RBM6: variants seen among roughly 807,000 people sequenced by gnomAD.
RBM6 encodes the protein RNA binding motif protein 6.
RBM6 carries 23 observed loss-of-function variants against 140.4 expected under a neutral mutation model. The observed-to-expected ratio is 0.16, with a 90% CI of 0.12 to 0.23. The LOEUF (loss-of-function observed/expected upper bound fraction) is 0.23, where lower values mean the gene tolerates loss of function less well. Ranked by LOEUF, RBM6 falls within the 10% of genes least tolerant of loss-of-function variation. The probability of loss-of-function intolerance (pLI) is 1.00; values close to 1 mark genes in which losing one functional copy is unlikely to be tolerated. For missense variants in RBM6, 1,139 were observed against 1,386.7 expected, an observed-to-expected ratio of 0.82 and a Z score of 2.84; for synonymous variants, 439 against 475.6, an observed-to-expected ratio of 0.92 and a Z score of 1.00.
chr3:49,994,110 C>A (rs1269575220), intron 5 of RBM6, among the ~76,000 whole-genome samples: 1 of 152,172 alleles, frequency 6.6e-6, no homozygotes, highest in African/African-American at 2.4e-5. Context: ...GTTGTTCAGG[C>A]TGGAGTGCAG....
intron 5 of RBM6, among the ~76,000 whole-genome samples, chr3:49,984,972 G>GT (rs2085494871): frequency 6.6e-6 from 1 of 152,192 alleles, no homozygotes; most frequent in Admixed American, 6.5e-5. Context: ...TTTGAACTCT[G>GT]TTTACAGCCC....
At chr3:49,959,384 A>T in intron 1 of RBM6, among the ~76,000 whole-genome samples, 1 of 127,486 alleles carries the variant, frequency 7.8e-6, no homozygotes. Context: ...TATTTTTAGT[A>T]GAGACGGGGT....
intron 8 of RBM6, among the ~76,000 whole-genome samples, chr3:50,054,668 G>A (rs1002512473): frequency 1.4e-4 from 22 of 152,054 alleles, no homozygotes; most frequent in Admixed American, 1.0e-3. Context: ...ACCACGCCCT[G>A]TAGCCCGGCT....
At position 50,047,648 on chromosome 3, in the gene RBM6, C is replaced by T. The variant is rs190416649; in HGVS notation, c.1558-597C>T. 2.3e-3 allele frequency among the ~76,000 whole-genome samples: 357 copies of T among 152,274 alleles called. 2 individuals carry two copies. The highest frequency in any genetic ancestry group is 0.012 in the Admixed American group (182 of 15,292). ...CCGCCGCCGCTGTTGCTCCCACCAG[C>T]CAATCAGTTTCCTGCTGTAAGGATG... On this transcript the variant is annotated intron_variant, in intron 6 of 20. Transcript: ENST00000266022.
rs71080561 is a variant in RBM6, at chr3:49,947,262, AGGGGG to A, written c.-67+7048_-67+7052del. On this transcript the variant is annotated intron_variant, in intron 1 of 20. Coordinates refer to ENST00000266022, the MANE Select transcript of RBM6 (RefSeq NM_005777.3). ...GCGAGACTCCGTCTCAAAAAAAAAAAGGGGGGGGGGGGGGGTTTTGAGCTGGGTGT... is the reference window on the plus strand; with the variant it reads ...GCGAGACTCCGTCTCAAAAAAAAAAAGGGGGGGGGGTTTTGAGCTGGGTGT... Among the ~76,000 whole-genome samples the A allele has an allele frequency of 6.9e-3, 412 of 60,036 alleles. 11 individuals carry two copies. Among genetic ancestry groups the A allele is most frequent in the African/African-American group, 0.021 (373 of 18,124 alleles). The allele number at this position is 60,036 out of a possible 152,430, so 39.4% of individuals were successfully genotyped here.
At chr3:49,944,864 A>C (rs1203112509) in intron 1 of RBM6, among the ~76,000 whole-genome samples, 2 of 150,304 alleles carry the variant, frequency 1.3e-5, no homozygotes, top group East Asian at 4.0e-4. Context: ...TGGTAATTCT[A>C]TGTGTAATTT....
chr3:50,015,433 T>TATTATTA (rs542341799), intron 6 of RBM6, among the ~76,000 whole-genome samples: 31 of 143,192 alleles, frequency 2.2e-4, no homozygotes, highest in African/African-American at 3.4e-4. Context: ...TTATTATTAT[T>TATTATTA]TTTTTTTTTT....
chr3:50,069,933 G>A (rs2090246171), intron 18 of RBM6, among the ~76,000 whole-genome samples: 1 of 152,156 alleles, frequency 6.6e-6, no homozygotes, highest in African/African-American at 2.4e-5. Context: ...AAGGGGAAAA[G>A]ACAGCGGAAC....
intron 5 of RBM6, among the ~76,000 whole-genome samples, chr3:49,984,606 A>ATCGCATCGCATCGCATCGCATCGCATCG (rs1559552659): frequency 2.9e-4 from 29 of 99,202 alleles, no homozygotes; most frequent in African/African-American, 1.4e-3. Flanking sequence ...ACATCACATC[A>ATCGCATCGCATCGCATCGCATCGCATCG]CATCACATCG....
chr3:50,056,787 A>G (rs922236442), intron 8 of RBM6, among the ~76,000 whole-genome samples: 11 of 152,238 alleles, frequency 7.2e-5, no homozygotes, highest in Non-Finnish European at 2.9e-5. Context: ...TTATAAAACA[A>G]ACTATAAAGA....
At chr3:50,033,833 G>T (rs2088334778) in intron 6 of RBM6, among the ~76,000 whole-genome samples, 1 of 152,076 alleles carries the variant, frequency 6.6e-6, no homozygotes, top group Non-Finnish European at 1.5e-5. Context: ...GTAGAGATGG[G>T]GTTTTACCAT....
At chr3:50,063,315 C>G (rs560900884) in intron 15 of RBM6, among the ~76,000 whole-genome samples, 37 of 152,158 alleles carry the variant, frequency 2.4e-4, no homozygotes, top group Admixed American at 2.4e-3. Flanking sequence ...AATACAAAAT[C>G]AAATTATTAG....
chr3:49,975,330 A>T lies in RBM6; in HGVS notation c.1421A>T (p.Asn474Ile). ...AATGCCATATTTTTGCAGATTCTTA[A>T]TGCTTTTCGGACTCCTGATGGCATG... is the stretch of plus-strand genomic sequence containing the variant. ...PEDATKEEIL[N>I]AFRTPDGMPV... Residue 474 changes from asparagine (N) to isoleucine (I), a missense_variant, in exon 5 of 21, where the codon AAT (asparagine) becomes ATT (isoleucine). Asn to Ile is a moderately radical substitution (Grantham distance 149, BLOSUM62 -3). Around this residue, in one of 9 missense-constraint regions of RBM6, gnomAD observed 566 missense variants for 612.7 expected, o/e 0.92. Transcript: ENST00000266022. 1 of 1,612,510 alleles carries T rather than the reference A, an allele frequency of 6.2e-7. No homozygotes were observed. The highest frequency in any genetic ancestry group is 1.1e-5 in the South Asian group (1 of 91,052).
At chr3:50,063,996 C>CAA (rs1413136462) in intron 15 of RBM6, among the ~76,000 whole-genome samples, 2 of 151,820 alleles carry the variant, frequency 1.3e-5, no homozygotes, top group Non-Finnish European at 2.9e-5. Context: ...GTGGCGTGAT[C>CAA]TATCTCGGCT....
At chr3:49,995,752 A>C (rs1452918652) in intron 5 of RBM6, among the ~76,000 whole-genome samples, 1 of 152,160 alleles carries the variant, frequency 6.6e-6, no homozygotes, top group Non-Finnish European at 1.5e-5. Context: ...AAGTCTGTCC[A>C]TGGGAAGGTT....
intron 10 of RBM6, chr3:50,058,837 A>G (rs536201395): frequency 9.3e-6 from 2 of 215,668 alleles, no homozygotes; most frequent in African/African-American, 4.5e-5. Context: ...AATGGCGTGA[A>G]CTCCGGAGGC....
In RBM6 at chr3:50,041,485, A is replaced by G. The variant is rs1575784368; in HGVS notation, c.1558-6760A>G. On this transcript the variant is annotated intron_variant, in intron 6 of 20. Coordinates refer to ENST00000266022, the MANE Select transcript of RBM6 (RefSeq NM_005777.3). Reference sequence around the variant, plus strand: ...AATAGTGGGTTTTAAAAAATATTTGAACTATAACATATCCTTGTACCATAA... The same window carrying G: ...AATAGTGGGTTTTAAAAAATATTTGGACTATAACATATCCTTGTACCATAA... Among the ~76,000 whole-genome samples the G allele has an allele frequency of 2.0e-5, 3 of 152,180 alleles. No homozygotes were observed. In the East Asian group the frequency reaches 5.8e-4, roughly 29 times the overall value.
intron 1 of RBM6, among the ~76,000 whole-genome samples, chr3:49,949,279 A>C (rs1259710038): frequency 2.0e-5 from 3 of 152,110 alleles, no homozygotes; most frequent in African/African-American, 7.2e-5. Flanking sequence ...TCTTCTTTTT[A>C]CTTACCTCCC....
intron 6 of RBM6, among the ~76,000 whole-genome samples, chr3:50,029,086 G>A (rs767350719): frequency 2.1e-4 from 32 of 152,336 alleles, no homozygotes; most frequent in Non-Finnish European, 3.5e-4. Flanking sequence ...TGAATGGAAT[G>A]ACTTGGAAGG....
Sources: gnomAD v4.1 joint callset for allele counts (sites outside exome capture counted in the v4.1 genomes callset) on GRCh38, gnomAD v4.1.1 for gene constraint, gnomAD v4.1.1 regional missense constraint, MANE v1.5 for transcripts, NCBI Gene and HGNC (gene_info 2026-07-23, HGNC 2026-07-21) for gene names.